WDFY1: variants seen among roughly 807,000 people sequenced by gnomAD.
The protein encoded by WDFY1 is WD repeat and FYVE domain-containing protein 1.
Under a neutral mutation model 56.4 loss-of-function variants are expected in WDFY1, and 32 were observed. The ratio of observed to expected loss-of-function variants is 0.57; its 90% CI spans 0.43 to 0.76. The LOEUF is 0.76. Among genes scored for constraint, WDFY1 ranks in the 30% least tolerant of loss-of-function variants. The pLI is 0.00. For missense variants in WDFY1, 480 were observed against 545.7 expected (o/e 0.88, Z 1.20); for synonymous variants, 192 against 197.3 (o/e 0.97, Z 0.23).
intron 5 of WDFY1, among the ~76,000 whole-genome samples, chr2:223,900,209 G>C (rs1193589003): frequency 6.6e-6 from 1 of 152,128 alleles, no homozygotes; most frequent in African/African-American, 2.4e-5. Flanking sequence ...CTGTGATTCT[G>C]TGTCATTTTC....
At chr2:223,922,094 A>C (rs979853899) in intron 1 of WDFY1, among the ~76,000 whole-genome samples, 3 of 152,218 alleles carry the variant, frequency 2.0e-5, no homozygotes, top group African/African-American at 7.2e-5. Flanking sequence ...CAGAGCCTGC[A>C]TCCCAGTGAG....
intron 11 of WDFY1, among the ~76,000 whole-genome samples, chr2:223,879,740 A>G (rs1458555163): frequency 6.6e-6 from 1 of 152,156 alleles, no homozygotes; most frequent in African/African-American, 2.4e-5. Flanking sequence ...AATTGTTAAA[A>G]TGTGTGGTTA....
In WDFY1 at chr2:223,906,017, C is replaced by A. The variant is rs766645296; in HGVS notation, c.280-16G>T. The A allele has an allele frequency of 7.3e-5, 112 of 1,532,692 alleles. No individual in the cohort carries two copies. The highest frequency in any genetic ancestry group is 1.4e-5 in the Non-Finnish European group (16 of 1,139,206). The allele number at this position is 1,532,692 out of a possible 1,614,324, so 94.9% of individuals were successfully genotyped here. On this transcript the variant is annotated splice_polypyrimidine_tract_variant and intron_variant, in intron 3 of 11. Coordinates refer to ENST00000233055, the MANE Select transcript of WDFY1 (RefSeq NM_020830.5). Reference sequence around the variant, plus strand: ...CGTGAAATTCCTAAAAGCAAATGCACAAAATAAAAAATTAAAAGAGTTATG... The same window carrying A: ...CGTGAAATTCCTAAAAGCAAATGCAAAAAATAAAAAATTAAAAGAGTTATG...
chr2:223,925,771 T>C (rs1359767206), intron 1 of WDFY1, among the ~76,000 whole-genome samples: 2 of 152,258 alleles, frequency 1.3e-5, no homozygotes, highest in South Asian at 2.1e-4. Context: ...ATTTCAACAA[T>C]GTTCACCGCA....
rs144641009 is a variant in WDFY1 at position 223,878,653 on chromosome 2, C to T, written c.*18G>A. 5.9e-5 allele frequency: 95 copies of T among 1,604,792 alleles called. No individual in the cohort carries two copies. Among genetic ancestry groups the T allele is most frequent in the Non-Finnish European group, 7.5e-5 (88 of 1,171,684 alleles). On this transcript the variant is annotated 3_prime_UTR_variant, in exon 12 of 12. Transcript: ENST00000233055. ...TGGAGCTGCTGTTCTTAGGTGTGGA[C>T]GCCGCCCAGCTCTCAGATCAGTGCG... is the stretch of plus-strand genomic sequence containing the variant.
At chr2:223,883,842 C>T (rs1042030923) in intron 9 of WDFY1, among the ~76,000 whole-genome samples, 8 of 152,138 alleles carry the variant, frequency 5.3e-5, no homozygotes, top group South Asian at 2.1e-4. Flanking sequence ...GACAGGGTTT[C>T]GCCATGTTAG....
intron 7 of WDFY1, 126 bp downstream of exon 7, chr2:223,895,377 GC>G: frequency 7.2e-7 from 1 of 1,388,080 alleles, no homozygotes; most frequent in Non-Finnish European, 1.0e-6. Flanking sequence ...AGTGAACTGA[GC>G]CCTATCAATG....
chr2:223,926,648 G>A (rs1249320162), intron 1 of WDFY1, among the ~76,000 whole-genome samples: 1 of 143,480 alleles, frequency 7.0e-6, no homozygotes, highest in African/African-American at 2.8e-5. Context: ...ATACAAATAT[G>A]TGCGTGTGTG....
Position 223,911,566 on chromosome 2 carries a change from CCACACACACACACACACACA to C in WDFY1, c.279+667_279+686del, listed in dbSNP as rs58131865. On this transcript the variant is annotated intron_variant, in intron 3 of 11. Transcript: ENST00000233055. Reference sequence around the variant, plus strand: ...GTTCTGTGAGTTGCTAGCTGAATGACCACACACACACACACACACACACACACACACACACACACACACAC... The same window carrying C: ...GTTCTGTGAGTTGCTAGCTGAATGACCACACACACACACACACACACACAC... Among the ~76,000 whole-genome samples the C allele has an allele frequency of 6.2e-3, 841 of 136,124 alleles. 5 individuals are homozygous for C. The highest frequency in any genetic ancestry group is 0.011 in the Admixed American group (152 of 13,398). The allele number at this position is 136,124 out of a possible 152,430, so 89.3% of individuals were successfully genotyped here.
intron 8 of WDFY1, among the ~76,000 whole-genome samples, chr2:223,892,401 T>C (rs1017924080): frequency 1.3e-5 from 2 of 152,238 alleles, no homozygotes; most frequent in African/African-American, 4.8e-5. Context: ...ATTTCCTCTA[T>C]CTGACTTGTC....
At chr2:223,927,824 G>T (rs1694010827) in intron 1 of WDFY1, among the ~76,000 whole-genome samples, 1 of 152,134 alleles carries the variant, frequency 6.6e-6, no homozygotes, top group Admixed American at 6.5e-5. Context: ...AGAGATATGT[G>T]ACTCTTCCTT....
At chr2:223,920,372 T>A (rs1030450861) in intron 1 of WDFY1, among the ~76,000 whole-genome samples, 1 of 152,208 alleles carries the variant, frequency 6.6e-6, no homozygotes, top group Admixed American at 6.5e-5. Context: ...GGATGTTCCC[T>A]GGTGGCCAAA....
At chr2:223,892,578 T>TA (rs531638531) in intron 8 of WDFY1, among the ~76,000 whole-genome samples, 10 of 150,084 alleles carry the variant, frequency 6.7e-5, no homozygotes, top group South Asian at 2.1e-4. Flanking sequence ...TGTCACCATT[T>TA]AAAAAAAAAA....
chr2:223,882,729 A>T (rs981054833), intron 9 of WDFY1, among the ~76,000 whole-genome samples: 3 of 150,594 alleles, frequency 2.0e-5, no homozygotes, highest in Non-Finnish European at 3.0e-5. Context: ...CATTATTATT[A>T]TTTTTTTTTT....
intron 8 of WDFY1, among the ~76,000 whole-genome samples, chr2:223,886,171 T>G (rs770956975): frequency 1.3e-5 from 2 of 151,006 alleles, no homozygotes; most frequent in South Asian, 2.1e-4. Flanking sequence ...AAACCCCGTC[T>G]TTATTAAAAA....
chr2:223,892,013 C>T (rs1030747444), intron 8 of WDFY1, among the ~76,000 whole-genome samples: 1 of 152,098 alleles, frequency 6.6e-6, no homozygotes, highest in Non-Finnish European at 1.5e-5. Flanking sequence ...TTTTGCTCGT[C>T]GCCCAGGTTG....
chr2:223,933,345 GAT>G (rs1491145865), intron 1 of WDFY1, among the ~76,000 whole-genome samples: 4 of 44,292 alleles, frequency 9.0e-5, no homozygotes, highest in Non-Finnish European at 2.6e-4. Context: ...AAAACCTGCA[GAT>G]TTTTTTTTTT....
chr2:223,916,845 G>A (rs1045717822), intron 2 of WDFY1, among the ~76,000 whole-genome samples: 3 of 144,086 alleles, frequency 2.1e-5, no homozygotes, highest in African/African-American at 5.2e-5. Flanking sequence ...ACGGAGTTTC[G>A]CTCTTGTTGC....
intron 6 of WDFY1, among the ~76,000 whole-genome samples, chr2:223,898,585 T>C (rs921715641): frequency 1.3e-5 from 2 of 152,042 alleles, no homozygotes; most frequent in African/African-American, 4.8e-5. Context: ...TTTGTATTCT[T>C]AGTAGAGAGG....
Sources: gnomAD v4.1 joint callset for allele counts (sites outside exome capture counted in the v4.1 genomes callset) on GRCh38, gnomAD v4.1.1 for gene constraint, MANE v1.5 for transcripts, NCBI Gene and HGNC (gene_info 2026-07-23, HGNC 2026-07-21) for gene names.